The following SUGCT variants were observed in gnomAD, a reference collection of about 807,000 sequenced individuals.
SUGCT encodes succinyl-CoA:glutarate CoA-transferase.
A neutral mutation model predicts 55.0 loss-of-function variants in SUGCT; 41 were observed. The observed-to-expected ratio is 0.74, with a 90% CI of 0.58 to 0.97. The LOEUF (loss-of-function observed/expected upper bound fraction) is 0.97. Ranked by LOEUF, SUGCT falls within the 50% of genes least tolerant of loss-of-function variation. The pLI is 0.00. For synonymous variants in SUGCT, 187 were observed against 200.4 expected (o/e 0.93, Z 0.56); for missense variants, 568 against 547.8 (o/e 1.04, Z -0.37).
chr7:40,476,621 C>A (rs1242536114), intron 11 of SUGCT, among the ~76,000 whole-genome samples: 1 of 151,956 alleles, frequency 6.6e-6, no homozygotes, highest in Non-Finnish European at 1.5e-5. Flanking sequence ...GGCTCATATA[C>A]TACCCTGTTG....
intron 13 of SUGCT, among the ~76,000 whole-genome samples, chr7:40,751,988 T>C (rs1441264834): frequency 1.3e-5 from 2 of 152,236 alleles, no homozygotes; most frequent in Non-Finnish European, 2.9e-5. Flanking sequence ...AGAATATTTC[T>C]TTTGCCCACT....
chr7:40,655,119 C>A (rs988521143), intron 12 of SUGCT, among the ~76,000 whole-genome samples: 2 of 151,958 alleles, frequency 1.3e-5, no homozygotes, highest in Non-Finnish European at 2.9e-5. Context: ...CATAGCGAGA[C>A]CCTGTTTCTA....
At chr7:41,015,861 C>T in the SUGCT span, among the ~76,000 whole-genome samples, 7 of 152,156 alleles carry the variant, frequency 4.6e-5, no homozygotes, top group South Asian at 2.1e-4. Context: ...CAGTGCCAAG[C>T]GTTCACCACA....
chr7:41,036,417 C>G, the SUGCT span, among the ~76,000 whole-genome samples: 1 of 152,084 alleles, frequency 6.6e-6, no homozygotes, highest in Non-Finnish European at 1.5e-5. Context: ...GGTCTGACAC[C>G]AACTGGTTGG....
At chr7:40,498,996 A>G in intron 12 of SUGCT, 1 of 427,712 alleles carries the variant, frequency 2.3e-6, no homozygotes, top group Non-Finnish European at 4.7e-6. Flanking sequence ...AGTTTTTTCT[A>G]AGTATGATTT....
intron 11 of SUGCT, among the ~76,000 whole-genome samples, chr7:40,487,709 T>G (rs1791459699): frequency 6.6e-6 from 1 of 152,164 alleles, no homozygotes; most frequent in African/African-American, 2.4e-5. Context: ...TACATATGTA[T>G]TTACAATTGT....
the SUGCT span, among the ~76,000 whole-genome samples, chr7:41,027,089 A>G: frequency 1.3e-5 from 2 of 152,210 alleles, no homozygotes; most frequent in Non-Finnish European, 2.9e-5. Flanking sequence ...ATCTTTCTAG[A>G]TGTTTCTAGA....
At chr7:40,199,037 G>GTA (rs1040399365) in intron 6 of SUGCT, among the ~76,000 whole-genome samples, 2 of 151,342 alleles carry the variant, frequency 1.3e-5, no homozygotes, top group African/African-American at 4.9e-5. Flanking sequence ...GTGTGTCTGT[G>GTA]TGTGTGTGTT....
At chr7:41,011,959 C>T in the SUGCT span, among the ~76,000 whole-genome samples, 4 of 152,128 alleles carry the variant, frequency 2.6e-5, no homozygotes, top group South Asian at 2.1e-4. Flanking sequence ...TTCCCTTCAT[C>T]GGTGGTGTTT....
chr7:41,031,246 G>C, the SUGCT span, among the ~76,000 whole-genome samples: 2 of 152,256 alleles, frequency 1.3e-5, no homozygotes, highest in Non-Finnish European at 2.9e-5. Flanking sequence ...GTCTCGGCAG[G>C]GCAGTTCACT....
At chr7:40,207,894 G>A (rs1005712094) in intron 6 of SUGCT, among the ~76,000 whole-genome samples, 1 of 152,098 alleles carries the variant, frequency 6.6e-6, no homozygotes, top group African/African-American at 2.4e-5. Context: ...AGGATTATTT[G>A]TACACGCATT....
chr7:40,954,256 G>A, the SUGCT span, among the ~76,000 whole-genome samples: 4 of 152,224 alleles, frequency 2.6e-5, no homozygotes, highest in South Asian at 6.2e-4. Context: ...TGAGCCAGGC[G>A]TGGGATATAA....
intron 12 of SUGCT, among the ~76,000 whole-genome samples, chr7:40,654,075 C>T (rs1405273307): frequency 3.9e-5 from 6 of 152,040 alleles, no homozygotes; most frequent in African/African-American, 1.4e-4. Context: ...TAATATATCA[C>T]TTACTTTCCC....
intron 9 of SUGCT, among the ~76,000 whole-genome samples, chr7:40,370,288 G>T (rs1009717260): frequency 6.6e-6 from 1 of 152,124 alleles, no homozygotes; most frequent in Non-Finnish European, 1.5e-5. Flanking sequence ...TTTTGCAAGA[G>T]CCAGGGAAGG....
At chr7:40,473,403 T>C (rs1429355137) in intron 11 of SUGCT, among the ~76,000 whole-genome samples, 2 of 152,188 alleles carry the variant, frequency 1.3e-5, no homozygotes, top group Admixed American at 1.3e-4. Flanking sequence ...GATTGAAATA[T>C]TATTTTTCAG....
the SUGCT span, among the ~76,000 whole-genome samples, chr7:41,000,205 C>T: frequency 6.6e-6 from 1 of 151,828 alleles, no homozygotes; most frequent in African/African-American, 2.4e-5. Flanking sequence ...TACTTACACA[C>T]ATACACACAC....
chr7:40,622,606 T>G (rs1321171253), intron 12 of SUGCT, among the ~76,000 whole-genome samples: 1 of 146,534 alleles, frequency 6.8e-6, no homozygotes, highest in African/African-American at 2.5e-5. Flanking sequence ...TGCATACTGC[T>G]ATACCCACCC....
chr7:40,689,276 T>C (rs1406170391), intron 12 of SUGCT, among the ~76,000 whole-genome samples: 1 of 152,186 alleles, frequency 6.6e-6, no homozygotes, highest in African/African-American at 2.4e-5. Context: ...AAGACTTAGG[T>C]GTCCAGTGGA....
chr7:40,376,397 C>CT (rs926447092), intron 9 of SUGCT, among the ~76,000 whole-genome samples: 40 of 139,312 alleles, frequency 2.9e-4, no homozygotes, highest in Admixed American at 8.6e-4. Flanking sequence ...TTTTTTTTTT[C>CT]TTTTTTTTTT....
Sources: gnomAD v4.1 joint callset for allele counts (sites outside exome capture counted in the v4.1 genomes callset) on GRCh38, gnomAD v4.1.1 for gene constraint, MANE v1.5 for transcripts, NCBI Gene and HGNC (gene_info 2026-07-23, HGNC 2026-07-21) for gene names.